Variants in MACROD1 observed in about 807,000 individuals in gnomAD.
The protein encoded by MACROD1 is mono-ADP ribosylhydrolase 1, also known as ADP-ribose glycohydrolase MACROD1.
A neutral mutation model predicts 41.4 loss-of-function variants in MACROD1; 31 were observed. The observed-to-expected ratio is 0.75, with a 90% CI of 0.56 to 1.01. The LOEUF (loss-of-function observed/expected upper bound fraction) is 1.01, where lower values mean the gene tolerates loss of function less well. MACROD1 is among the 50% of genes least tolerant of loss of function. The probability of loss-of-function intolerance (pLI) is 0.00; values close to 1 mark genes in which losing one functional copy is unlikely to be tolerated. For synonymous variants in MACROD1, 252 were observed against 203.4 expected, an observed-to-expected ratio of 1.24 and a Z score of -2.03; for missense variants, 473 against 460.0, an observed-to-expected ratio of 1.03 and a Z score of -0.26.
At chr11:64,076,488 GGAT>G (rs1565221433) in intron 3 of MACROD1, among the ~76,000 whole-genome samples, 1 of 152,266 alleles carries the variant, frequency 6.6e-6, no homozygotes. Flanking sequence ...ATGGATGGAC[GGAT>G]GATGTCTCAT....
At chr11:64,015,637 G>A (rs1253849600) in intron 3 of MACROD1, among the ~76,000 whole-genome samples, 1 of 152,172 alleles carries the variant, frequency 6.6e-6, no homozygotes, top group African/African-American at 2.4e-5. Context: ...GCTGGTCGGC[G>A]CCAGGCCTGG....
rs55995667 is a variant in MACROD1 at position 64,143,753 on chromosome 11, TACACACACACAC to T, written c.517+7474_517+7485del. Reference sequence around the variant, plus strand: ...CCTTCCCCCAACCCCGACACACACATACACACACACACACACACACACACACACACACACACA... The same window carrying T: ...CCTTCCCCCAACCCCGACACACACATACACACACACACACACACACACACA... On this transcript the variant is annotated intron_variant, in intron 3 of 10. Coordinates refer to ENST00000255681, the MANE Select transcript of MACROD1 (RefSeq NM_014067.4). 9.5e-4 allele frequency among the ~76,000 whole-genome samples: 97 copies of T among 101,668 alleles called. 2 individuals carry two copies. The highest frequency in any genetic ancestry group is 7.7e-3 in the South Asian group (21 of 2,724). The allele number at this position is 101,668 out of a possible 152,430, so 66.7% of individuals were successfully genotyped here. A position where few individuals can be genotyped will look rare whatever the true frequency, so the allele number is the denominator to read the frequency against.
At chr11:64,031,449 A>AGCCTGCCTGCCT (rs72360895) in intron 3 of MACROD1, among the ~76,000 whole-genome samples, 11 of 143,960 alleles carry the variant, frequency 7.6e-5, no homozygotes, top group African/African-American at 1.6e-4. Context: ...AAGCTGCTGG[A>AGCCTGCCTGCCT]GCCTGCCTGC....
chr11:64,088,284 G>T (rs1358644768), intron 3 of MACROD1, among the ~76,000 whole-genome samples: 2 of 152,190 alleles, frequency 1.3e-5, no homozygotes, highest in African/African-American at 4.8e-5. Flanking sequence ...GCCAGGAGAT[G>T]GGGGGACCTT....
intron 3 of MACROD1, among the ~76,000 whole-genome samples, chr11:64,148,304 C>G (rs1317340230): frequency 6.6e-6 from 1 of 152,172 alleles, no homozygotes; most frequent in East Asian, 1.9e-4. Context: ...CCCACTGCAC[C>G]CTTCCCCTCC....
intron 3 of MACROD1, among the ~76,000 whole-genome samples, chr11:64,111,662 G>GGGTGAGGTCTGGCC: frequency 6.6e-6 from 1 of 152,292 alleles, no homozygotes; most frequent in East Asian, 1.9e-4. Flanking sequence ...GAAGGGGGGT[G>GGGTGAGGTCTGGCC]GGTGAGGTCT....
intron 3 of MACROD1, among the ~76,000 whole-genome samples, chr11:64,079,728 T>G: frequency 6.6e-6 from 1 of 150,736 alleles, no homozygotes; most frequent in Non-Finnish European, 1.5e-5. Context: ...AGGGAGAGAG[T>G]GGGGCGCACG....
chr11:64,036,332 T>A lies in MACROD1; in HGVS notation c.518-21051A>T, dbSNP rs1181723213. On this transcript the variant is annotated intron_variant, in intron 3 of 10. Coordinates refer to ENST00000255681, the MANE Select transcript of MACROD1 (RefSeq NM_014067.4). This position sits in a 1 kb window ranked among gnomAD's most constrained non-coding sequence, Gnocchi z 5.6. The stretch of plus-strand genomic sequence containing the variant: ...GACGCCCAGCCTTTGGGATTTGGGG[T>A]GGGGGTCCCTGAGTCAAGAGCCAAG... Among the ~76,000 whole-genome samples the A allele has an allele frequency of 6.6e-6, 1 of 151,732 alleles. No homozygotes were observed.
At chr11:64,085,046 C>A (rs1944370083) in intron 3 of MACROD1, among the ~76,000 whole-genome samples, 1 of 152,232 alleles carries the variant, frequency 6.6e-6, no homozygotes, top group African/African-American at 2.4e-5. Flanking sequence ...GATAAAGAAA[C>A]TGAGGCTCAG....
chr11:64,012,268 G>A (rs1015187919), intron 4 of MACROD1, among the ~76,000 whole-genome samples: 8 of 152,230 alleles, frequency 5.3e-5, no homozygotes, highest in Non-Finnish European at 8.8e-5. Flanking sequence ...TTCCTAGAGT[G>A]AGGTCACAGG....
At chr11:64,058,714 C>T (rs1336765397) in intron 3 of MACROD1, among the ~76,000 whole-genome samples, 1 of 152,272 alleles carries the variant, frequency 6.6e-6, no homozygotes, top group African/African-American at 2.4e-5. Context: ...CCCTGGCCAG[C>T]GATGCCAATT....
chr11:63,998,628 A>C lies in MACROD1; in HGVS notation c.*90T>G, dbSNP rs1468395007. The C allele has an allele frequency of 1.5e-6, 2 of 1,297,020 alleles. No homozygotes were observed. The highest frequency in any genetic ancestry group is 6.0e-5 in the East Asian group (2 of 33,250). The allele number at this position is 1,297,020 out of a possible 1,614,324, so 80.3% of individuals were successfully genotyped here. On this transcript the variant is annotated 3_prime_UTR_variant, in exon 11 of 11. Transcript: ENST00000255681. ...AGGGAAAGAAGGGGTGGCCAGGCCC[A>C]GGCCAGGCTGCAGGCTTTGGCGACC... is the stretch of plus-strand genomic sequence containing the variant.
At chr11:64,130,075 C>T (rs1342438429) in intron 3 of MACROD1, among the ~76,000 whole-genome samples, 2 of 152,050 alleles carry the variant, frequency 1.3e-5, no homozygotes, top group Admixed American at 6.5e-5. Flanking sequence ...ATGGGGTGGT[C>T]CCCCGAGAAA....
chr11:64,135,920 A>AC (rs1341889138), intron 3 of MACROD1, among the ~76,000 whole-genome samples: 4 of 152,058 alleles, frequency 2.6e-5, no homozygotes, highest in Non-Finnish European at 5.9e-5. Context: ...CCCTGCAAGG[A>AC]CCCCTGGAGC....
At chr11:64,100,848 C>T (rs1332948043) in intron 3 of MACROD1, among the ~76,000 whole-genome samples, 1 of 152,078 alleles carries the variant, frequency 6.6e-6, no homozygotes, top group Non-Finnish European at 1.5e-5. Flanking sequence ...TCTGCAGGCC[C>T]CAGGGAAGGT....
chr11:64,012,728 GT>G (rs1360506612), intron 4 of MACROD1, among the ~76,000 whole-genome samples: 1 of 152,162 alleles, frequency 6.6e-6, no homozygotes, highest in Non-Finnish European at 1.5e-5. Flanking sequence ...TAGAGACAGG[GT>G]TTCACCATGT....
At chr11:64,097,205 C>G (rs1005588159) in intron 3 of MACROD1, among the ~76,000 whole-genome samples, 17 of 152,186 alleles carry the variant, frequency 1.1e-4, no homozygotes, top group African/African-American at 3.6e-4. Flanking sequence ...GGCCTCCAGA[C>G]CCCCCAGAAA....
At chr11:64,135,994 G>A (rs1945325947) in intron 3 of MACROD1, among the ~76,000 whole-genome samples, 1 of 152,232 alleles carries the variant, frequency 6.6e-6, no homozygotes, top group Admixed American at 6.5e-5. Context: ...CATGCTGTGG[G>A]CGGCCCGATG....
chr11:64,122,342 G>T lies in MACROD1; in HGVS notation c.517+28897C>A, dbSNP rs1945112254. On this transcript the variant is annotated intron_variant, in intron 3 of 10. Coordinates refer to ENST00000255681, the MANE Select transcript of MACROD1 (RefSeq NM_014067.4). The surrounding 1 kb of genome is among the most constrained non-coding windows in gnomAD (Gnocchi z 4.0). ...ATGCAGGTCCGGAGCCAAGAGCAGG[G>T]GCATTGCACCTTCCTGGCTCTGGGT... Among the ~76,000 whole-genome samples the T allele has an allele frequency of 6.6e-6, 1 of 152,244 alleles. No homozygotes were observed. The highest frequency in any genetic ancestry group is 2.4e-5 in the African/African-American group (1 of 41,470).
Sources: allele counts gnomAD v4.1 joint callset (sites outside exome capture counted in the v4.1 genomes callset), GRCh38; gene constraint gnomAD v4.1.1; non-coding constraint Gnocchi (gnomAD v3.1); transcripts MANE v1.5; gene names NCBI Gene and HGNC (gene_info 2026-07-23, HGNC 2026-07-21).